Variants in TCF7L1 observed in about 807,000 individuals in gnomAD.
TCF7L1 encodes transcription factor 7 like 1.
Under a neutral mutation model 63.7 loss-of-function variants are expected in TCF7L1, and 18 were observed. The ratio of observed to expected loss-of-function variants is 0.28; its 90% CI spans 0.20 to 0.42. The LOEUF (loss-of-function observed/expected upper bound fraction) is 0.42, where lower values mean the gene tolerates loss of function less well. Ranked by LOEUF, TCF7L1 falls within the 10% of genes least tolerant of loss-of-function variation. The pLI is 1.00. For missense variants in TCF7L1, 654 were observed against 779.3 expected (o/e 0.84, Z 1.91); for synonymous variants, 355 against 340.9 (o/e 1.04, Z -0.46).
At chr2:85,237,949 G>A (rs977334855) in intron 3 of TCF7L1, among the ~76,000 whole-genome samples, 1 of 152,034 alleles carries the variant, frequency 6.6e-6, no homozygotes, top group Non-Finnish European at 1.5e-5. Flanking sequence ...GGAAAGTGAC[G>A]CAGGGGGAAG....
chr2:85,188,810 A>G (rs531370923), intron 3 of TCF7L1, among the ~76,000 whole-genome samples: 1 of 151,886 alleles, frequency 6.6e-6, no homozygotes, highest in East Asian at 1.9e-4. Flanking sequence ...AATGTTTAAT[A>G]TTTCCTTAGT....
At chr2:85,142,481 A>ATTATAT (rs1553393290) in intron 3 of TCF7L1, among the ~76,000 whole-genome samples, 1 of 143,312 alleles carries the variant, frequency 7.0e-6, no homozygotes, top group Non-Finnish European at 1.5e-5. Context: ...GTATATATAT[A>ATTATAT]ATATATATAT....
At chr2:85,157,087 C>G (rs996743637) in intron 3 of TCF7L1, among the ~76,000 whole-genome samples, 1 of 152,118 alleles carries the variant, frequency 6.6e-6, no homozygotes, top group Non-Finnish European at 1.5e-5. Flanking sequence ...TATATATACA[C>G]ACAAATAAAA....
chr2:85,297,676 T>G (rs1349274351), intron 4 of TCF7L1, among the ~76,000 whole-genome samples: 1 of 151,990 alleles, frequency 6.6e-6, no homozygotes, highest in Non-Finnish European at 1.5e-5. Flanking sequence ...AATACAAAAG[T>G]TAGCCCGGCA....
intron 3 of TCF7L1, 52 bp from the exon 4 acceptor site, chr2:85,283,443 C>A: frequency 6.2e-7 from 1 of 1,604,240 alleles, no homozygotes; most frequent in Non-Finnish European, 8.5e-7. Flanking sequence ...ACTTTGAGTA[C>A]TTGTGAGGCC....
intron 3 of TCF7L1, among the ~76,000 whole-genome samples, chr2:85,155,507 A>G (rs769065095): frequency 1.3e-5 from 2 of 152,206 alleles, no homozygotes; most frequent in Admixed American, 6.5e-5. Context: ...GAAGGAACCA[A>G]TTCTGGACAC....
chr2:85,257,317 T>A (rs1270283761), intron 3 of TCF7L1, among the ~76,000 whole-genome samples: 1 of 152,152 alleles, frequency 6.6e-6, no homozygotes, highest in African/African-American at 2.4e-5. Context: ...GAAAAATCCC[T>A]CCTTCCTGAC....
intron 3 of TCF7L1, among the ~76,000 whole-genome samples, chr2:85,248,691 T>C (rs1276041283): frequency 1.3e-5 from 2 of 152,184 alleles, no homozygotes; most frequent in African/African-American, 2.4e-5. Context: ...TTGCTAGCGT[T>C]GTGCTTGTAG....
At chr2:85,278,479 C>T (rs6732834) in intron 3 of TCF7L1, among the ~76,000 whole-genome samples, 12,394 of 152,278 alleles carry the variant, frequency 0.081, 603 homozygotes, top group African/African-American at 0.12. Context: ...CCAAATAGGG[C>T]TTACCTGGGA....
chr2:85,237,975 C>G (rs930124089), intron 3 of TCF7L1, among the ~76,000 whole-genome samples: 2 of 152,018 alleles, frequency 1.3e-5, no homozygotes, highest in African/African-American at 4.8e-5. Flanking sequence ...GCGGGCAGGA[C>G]CCAACAGGTG....
chr2:85,272,392 C>T (rs1681170867), intron 3 of TCF7L1, among the ~76,000 whole-genome samples: 1 of 152,076 alleles, frequency 6.6e-6, no homozygotes, highest in African/African-American at 2.4e-5. Flanking sequence ...AATAAAATTG[C>T]CTGAAATGTT....
chr2:85,266,262 T>C (rs1301520030), intron 3 of TCF7L1, among the ~76,000 whole-genome samples: 1 of 152,220 alleles, frequency 6.6e-6, no homozygotes, highest in African/African-American at 2.4e-5. Context: ...TTAGGATGCA[T>C]TCCTAGAGAC....
At chr2:85,215,354 G>A (rs1290704237) in intron 3 of TCF7L1, among the ~76,000 whole-genome samples, 5 of 152,308 alleles carry the variant, frequency 3.3e-5, no homozygotes, top group Non-Finnish European at 7.4e-5. Context: ...TGCAGCGTTC[G>A]AGGGAACTCC....
Position 85,224,344 on chromosome 2 carries a change from G to A in TCF7L1, c.442-59151G>A, listed in dbSNP as rs188752037. Among the ~76,000 whole-genome samples the A allele has an allele frequency of 1.2e-3, 188 of 152,256 alleles. 3 individuals are homozygous for A. The highest frequency in any genetic ancestry group is 4.1e-3 in the African/African-American group (171 of 41,530). On this transcript the variant is annotated intron_variant, in intron 3 of 11. Transcript: ENST00000282111. ...GGGTCAAATGGTATTTCTAGTTCTA[G>A]ATCCTTGAGGAATTGCCATACTGTC...
intron 8 of TCF7L1, among the ~76,000 whole-genome samples, chr2:85,305,811 TG>T (rs1205296589): frequency 6.6e-6 from 1 of 152,162 alleles, no homozygotes; most frequent in Non-Finnish European, 1.5e-5. Flanking sequence ...ACCATAAAGA[TG>T]GCAGGAAGCC....
At chr2:85,137,019 C>A (rs930460147) in intron 3 of TCF7L1, among the ~76,000 whole-genome samples, 2 of 152,138 alleles carry the variant, frequency 1.3e-5, no homozygotes, top group Non-Finnish European at 2.9e-5. Context: ...ATGATCCGAT[C>A]TCTCTGACAT....
chr2:85,141,817 T>G (rs1677746667), intron 3 of TCF7L1, among the ~76,000 whole-genome samples: 1 of 152,094 alleles, frequency 6.6e-6, no homozygotes, highest in South Asian at 2.1e-4. Flanking sequence ...AAGATGAGGT[T>G]GTAGGGGAAT....
intron 4 of TCF7L1, 84 bp downstream of exon 4, chr2:85,283,662 G>A (rs1157318316): frequency 1.4e-6 from 2 of 1,414,806 alleles, no homozygotes; most frequent in East Asian, 4.6e-5. Flanking sequence ...TCACGCTGAA[G>A]CAGATGGGGT....
At chr2:85,159,132 G>A (rs1678222690) in intron 3 of TCF7L1, among the ~76,000 whole-genome samples, 1 of 152,146 alleles carries the variant, frequency 6.6e-6, no homozygotes, top group Non-Finnish European at 1.5e-5. Context: ...CCAGCTTCAG[G>A]AAAAGGGGAG....
Sources: gnomAD v4.1 joint callset for allele counts (sites outside exome capture counted in the v4.1 genomes callset) on GRCh38, gnomAD v4.1.1 for gene constraint, MANE v1.5 for transcripts, NCBI Gene and HGNC (gene_info 2026-07-23, HGNC 2026-07-21) for gene names.